Variants in ASIC2 observed in about 807,000 individuals in gnomAD.
ASIC2 encodes the protein acid sensing ion channel subunit 2.
A neutral mutation model predicts 57.3 loss-of-function variants in ASIC2; 25 were observed. The ratio of observed to expected loss-of-function variants is 0.44; its 90% CI spans 0.32 to 0.61. The LOEUF is 0.61. ASIC2 is among the 20% of genes least tolerant of loss of function. The pLI, the probability that ASIC2 is intolerant of heterozygous loss-of-function variation, is 0.06. For synonymous variants in ASIC2, 319 were observed against 307.5 expected (o/e 1.04, Z -0.39); for missense variants, 641 against 738.1 (o/e 0.87, Z 1.52).
intron 1 of ASIC2, among the ~76,000 whole-genome samples, chr17:34,115,698 T>C (rs1221300793): frequency 1.3e-5 from 2 of 152,208 alleles, no homozygotes; most frequent in Non-Finnish European, 2.9e-5. Flanking sequence ...GCTTTGTTCC[T>C]AGACCCTGTC....
chr17:33,025,086 C>G lies in ASIC2; in HGVS notation c.1195+840G>C, dbSNP rs190213810. 1.4e-4 allele frequency among the ~76,000 whole-genome samples: 21 copies of G among 152,298 alleles called. No individual in the cohort carries two copies. The East Asian group carries it at 3.7e-3, about 27-fold the overall frequency. ...AGTCACTCCCTCTCCTCTCAGCCTGCCCTCCCTCTCTAGTCCTCCTGGAGG... is the reference window on the plus strand; with the variant it reads ...AGTCACTCCCTCTCCTCTCAGCCTGGCCTCCCTCTCTAGTCCTCCTGGAGG... On this transcript the variant is annotated intron_variant, in intron 5 of 9. Transcript: ENST00000225823.
At chr17:33,535,110 A>G (rs941259379) in intron 1 of ASIC2, among the ~76,000 whole-genome samples, 4 of 152,160 alleles carry the variant, frequency 2.6e-5, no homozygotes, top group Non-Finnish European at 5.9e-5. Flanking sequence ...AGAGGCAGAG[A>G]TGAATGGCCA....
chr17:33,830,710 C>A (rs1198632010), intron 1 of ASIC2, among the ~76,000 whole-genome samples: 1 of 152,040 alleles, frequency 6.6e-6, no homozygotes, highest in East Asian at 1.9e-4. Context: ...GCTCTCCCTC[C>A]CCTTGCCCCC....
rs554487959 is a variant in ASIC2 at position 33,414,753 on chromosome 17, G to T, written c.556-302686C>A. Among the ~76,000 whole-genome samples the T allele has an allele frequency of 3.3e-5, 5 of 152,260 alleles. No individual in the cohort carries two copies. In the South Asian group the frequency reaches 1.0e-3, roughly 32 times the overall value. ...CATTTCTCTTTTAAATTTTAATTTG[G>T]TTCTGTCACTGAAATCACATTAGGC... On this transcript the variant is annotated intron_variant, in intron 1 of 9. Coordinates refer to the ASIC2 transcript ENST00000359872.
intron 1 of ASIC2, among the ~76,000 whole-genome samples, chr17:33,921,782 C>A (rs1349941129): frequency 6.6e-6 from 1 of 152,164 alleles, no homozygotes; most frequent in Non-Finnish European, 1.5e-5. Context: ...TGGCATACAT[C>A]TCTGACAAGG....
rs954893644 is a variant in ASIC2 at position 33,064,726 on chromosome 17, G to A, written c.987+24137C>T. Reference sequence around the variant, plus strand: ...CCACTACTCTCTTCAAAGCTCAGTTGGAAACGCAGAAATCACCCATCTTCT... The same window carrying A: ...CCACTACTCTCTTCAAAGCTCAGTTAGAAACGCAGAAATCACCCATCTTCT... On this transcript the variant is annotated intron_variant, in intron 3 of 9. Transcript: ENST00000225823. Among the ~76,000 whole-genome samples, 75 of 152,310 alleles carry A rather than the reference G, an allele frequency of 4.9e-4. 1 individual carries two copies. The highest frequency in any genetic ancestry group is 9.1e-4 in the Non-Finnish European group (62 of 68,024).
intron 1 of ASIC2, among the ~76,000 whole-genome samples, chr17:33,166,278 CA>C (rs1905303437): frequency 6.6e-6 from 1 of 152,180 alleles, no homozygotes; most frequent in Admixed American, 6.5e-5. Flanking sequence ...AAGTTACCAA[CA>C]TATTGCTTGA....
At chr17:33,773,533 C>T (rs983228812) in intron 1 of ASIC2, among the ~76,000 whole-genome samples, 1 of 152,030 alleles carries the variant, frequency 6.6e-6, no homozygotes, top group South Asian at 2.1e-4. Context: ...TTCTCTAATT[C>T]TAGTCATTTT....
intron 1 of ASIC2, among the ~76,000 whole-genome samples, chr17:33,160,164 G>A (rs1055616238): frequency 4.6e-5 from 7 of 151,258 alleles, no homozygotes; most frequent in Admixed American, 2.6e-4. Flanking sequence ...AGCCAAGATC[G>A]CACCACTGCT....
intron 1 of ASIC2, among the ~76,000 whole-genome samples, chr17:33,431,412 G>A (rs1341557067): frequency 6.6e-6 from 1 of 152,120 alleles, no homozygotes; most frequent in Non-Finnish European, 1.5e-5. Flanking sequence ...TTTGAGAACA[G>A]CCTGGCCATG....
intron 2 of ASIC2, among the ~76,000 whole-genome samples, chr17:33,098,948 A>G (rs943631328): frequency 3.5e-5 from 5 of 141,904 alleles, no homozygotes; most frequent in Admixed American, 3.5e-4. Flanking sequence ...TACACAAAAT[A>G]TATATATAAA....
At chr17:33,383,359 T>C (rs1024318001) in intron 1 of ASIC2, among the ~76,000 whole-genome samples, 3 of 152,318 alleles carry the variant, frequency 2.0e-5, no homozygotes, top group Admixed American at 1.3e-4. Context: ...CTTGGAAATA[T>C]CCCTTAAGCA....
At chr17:34,124,117 C>T (rs1288876305) in intron 1 of ASIC2, among the ~76,000 whole-genome samples, 1 of 152,052 alleles carries the variant, frequency 6.6e-6, no homozygotes, top group African/African-American at 2.4e-5. Context: ...ATTATATAAT[C>T]TTCAAAACAA....
chr17:33,901,956 A>G (rs1172693165), intron 1 of ASIC2, among the ~76,000 whole-genome samples: 1 of 152,192 alleles, frequency 6.6e-6, no homozygotes, highest in Non-Finnish European at 1.5e-5. Context: ...CTTGGCAACC[A>G]TTCAGATTTC....
At chr17:33,168,253 A>T (rs1905378559) in intron 1 of ASIC2, among the ~76,000 whole-genome samples, 3 of 152,254 alleles carry the variant, frequency 2.0e-5, no homozygotes, top group Admixed American at 2.0e-4. Context: ...CTGGTAAGAC[A>T]GAAAATTGGT....
Position 34,039,342 on chromosome 17 carries a change from T to G in ASIC2, c.555+116636A>C, listed in dbSNP as rs1908010969. The G allele has an allele frequency of 3.7e-6, 6 of 1,613,852 alleles. No homozygotes were observed. The South Asian group carries it at 6.6e-5, about 18-fold the overall frequency. On this transcript the variant is annotated intron_variant, in intron 1 of 9. Coordinates refer to the ASIC2 transcript ENST00000359872. ...TAGATGAGGGACTGTTTTGCTGAGC[T>G]GAAACAAAAGTGAAGCAGAGGCCAG...
chr17:33,813,010 C>T (rs1036665385), intron 1 of ASIC2, among the ~76,000 whole-genome samples: 4 of 152,148 alleles, frequency 2.6e-5, no homozygotes, highest in African/African-American at 9.7e-5. Flanking sequence ...TGCTGATATC[C>T]TCATCTGGTG....
At chr17:33,633,447 T>C (rs1316636694) in intron 1 of ASIC2, among the ~76,000 whole-genome samples, 1 of 152,144 alleles carries the variant, frequency 6.6e-6, no homozygotes, top group Non-Finnish European at 1.5e-5. Context: ...CCAATCCCAG[T>C]CCCTGCCACA....
intron 1 of ASIC2, among the ~76,000 whole-genome samples, chr17:33,283,049 G>A (rs894699414): frequency 1.3e-5 from 2 of 152,202 alleles, no homozygotes; most frequent in Non-Finnish European, 2.9e-5. Flanking sequence ...TGGTTTGACT[G>A]ACACCCCAGC....
Sources: gnomAD v4.1 joint callset for allele counts (sites outside exome capture counted in the v4.1 genomes callset) on GRCh38, gnomAD v4.1.1 for gene constraint, MANE v1.5 for transcripts, NCBI Gene and HGNC (gene_info 2026-07-23, HGNC 2026-07-21) for gene names.